Variants in HS3ST6 observed in about 807,000 individuals in gnomAD.
The protein encoded by HS3ST6 is heparan sulfate-glucosamine 3-sulfotransferase 6.
A neutral mutation model predicts 11.0 loss-of-function variants in HS3ST6; 13 were observed. That is an observed-to-expected ratio of 1.18 (90% CI 0.77 to 1.88). The LOEUF (loss-of-function observed/expected upper bound fraction) is 1.88. HS3ST6 is among the 40% of genes most tolerant of loss of function. The pLI is 0.00. For synonymous variants in HS3ST6, 232 were observed against 230.6 expected (o/e 1.01, Z -0.06); for missense variants, 541 against 494.4 (o/e 1.09, Z -0.89).
intron 1 of HS3ST6, among the ~76,000 whole-genome samples, chr16:1,914,850 C>T (rs534486198): frequency 5.8e-4 from 89 of 152,280 alleles, no homozygotes; most frequent in African/African-American, 1.9e-3. Context: ...CGAAGCCTAT[C>T]CTAGCCCAGG....
At chr16:1,915,411 G>A (rs1019723513) in intron 1 of HS3ST6, among the ~76,000 whole-genome samples, 1 of 152,212 alleles carries the variant, frequency 6.6e-6, no homozygotes, top group African/African-American at 2.4e-5. Flanking sequence ...AAGTAGCTGG[G>A]AATACAGGCA....
Position 1,918,266 on chromosome 16 carries a change from C to A in HS3ST6, c.58G>T (p.Gly20Trp). The A allele has an allele frequency of 2.1e-6, 2 of 972,926 alleles. No individual in the cohort carries two copies. The highest frequency in any genetic ancestry group is 6.0e-5 in the Admixed American group (1 of 16,748). 60.3% of individuals were successfully genotyped at this position (972,926 alleles called of 1,614,324 possible). Residue 20 changes from glycine to tryptophan, a missense_variant, in exon 1 of 2, where the codon GGG becomes TGG. Gly to Trp is a radical substitution (Grantham distance 184, BLOSUM62 -2). Transcript: ENST00000454677. The surrounding 1 kb of genome is among the most constrained non-coding windows in gnomAD (Gnocchi z 6.0). ...GAGGGQGAGA[G>W]QGAALRASRA... ...GACGCCCGCAGAGCGGCCCCTTGCC[C>A]GGCCCCTGCGCCCTGGCCGCCCCCG...
At chr16:1,920,293 G>A (rs1300950099), upstream of HS3ST6, among the ~76,000 whole-genome samples, 8 of 142,370 alleles carry the variant, frequency 5.6e-5, no homozygotes, top group Non-Finnish European at 1.1e-4. Flanking sequence ...AGCCCCCACG[G>A]TCTCAGCCAT....
Position 1,911,692 on chromosome 16 carries a change from G to A in HS3ST6, c.927C>T (p.His309=), listed in dbSNP as rs754130268. The A allele has an allele frequency of 1.1e-4, 172 of 1,612,040 alleles. No homozygotes were observed. Among genetic ancestry groups the A allele is most frequent in the Non-Finnish European group, 1.4e-4 (163 of 1,179,106 alleles). The change falls in exon 2 of 2, where the codon CAC becomes CAT. Residue 309 remains histidine (H), a synonymous_variant. Coordinates refer to ENST00000454677, the MANE Select transcript of HS3ST6 (RefSeq NM_001009606.4). ...RCLGKSKGRP[H]PRVPQALVRR... ...GGACCAGGGCCTGGGGCACGCGTGG[G>A]TGTGGCCGGCCCTTGGACTTGCCCA...
Position 1,917,991 on chromosome 16 carries a change from C to T in HS3ST6, c.333G>A (p.Arg111=). The change falls in exon 1 of 2, where the codon CGG becomes CGA. Residue 111 remains arginine, a synonymous_variant. Coordinates refer to ENST00000454677, the MANE Select transcript of HS3ST6 (RefSeq NM_001009606.4). ...GGTRALLEFL[R]LHPDVRALGS... Reference sequence around the variant, plus strand: ...CCAGCGCGCGGACGTCGGGGTGCAGCCGCAGAAACTCCAGCAGGGCGCGCG... The same window carrying T: ...CCAGCGCGCGGACGTCGGGGTGCAGTCGCAGAAACTCCAGCAGGGCGCGCG... 1.9e-6 allele frequency: 3 copies of T among 1,554,024 alleles called. No homozygotes were observed. Among genetic ancestry groups the T allele is most frequent in the African/African-American group, 1.4e-5 (1 of 72,248 alleles).
chr16:1,919,591 C>T (rs1054705420), upstream of HS3ST6, among the ~76,000 whole-genome samples: 4 of 152,360 alleles, frequency 2.6e-5, no homozygotes, highest in East Asian at 3.9e-4. Context: ...CAAGGGCTTG[C>T]GGCCCCTGTC....
At chr16:1,916,307 C>T (rs2082926813) in intron 1 of HS3ST6, among the ~76,000 whole-genome samples, 1 of 152,106 alleles carries the variant, frequency 6.6e-6, no homozygotes. Context: ...GGGACTGACC[C>T]CTTGGAATTC....
rs978737853 is a variant in HS3ST6 at position 1,911,526 on chromosome 16, C to A, written c.*64G>T. On this transcript the variant is annotated 3_prime_UTR_variant, in exon 2 of 2. Transcript: ENST00000454677. The stretch of plus-strand genomic sequence containing the variant: ...TATTCCTCTCTGCCCAGCATGTGCA[C>A]GCAGCCCGCTCTGGCCAGGCGAGCG... 2.7e-6 allele frequency: 4 copies of A among 1,459,620 alleles called. No homozygotes were observed. The African/African-American group carries it at 5.7e-5, about 21-fold the overall frequency. 90.4% of individuals were successfully genotyped at this position (1,459,620 alleles called of 1,614,324 possible).
chr16:1,916,818 C>T (rs1199503827), intron 1 of HS3ST6, among the ~76,000 whole-genome samples: 8 of 150,440 alleles, frequency 5.3e-5, no homozygotes, highest in Admixed American at 1.3e-4. Flanking sequence ...CTACCCTCCT[C>T]CCTGCAGCAG....
Position 1,912,187 on chromosome 16 carries a change from G to C in HS3ST6, c.432C>G (p.Thr144=). ...LAWYRSLMPR[T]LDGQITMEKT... Reference sequence around the variant, plus strand: ...TCTCCATGGTGATCTGCCCATCCAGGGTTCGGGGCATCAGACTCCTGCGGG... The same window carrying C: ...TCTCCATGGTGATCTGCCCATCCAGCGTTCGGGGCATCAGACTCCTGCGGG... Residue 144 remains threonine, a synonymous_variant, in exon 2 of 2, where the codon ACC becomes ACG. Transcript: ENST00000454677. The surrounding 1 kb of genome is among the most constrained non-coding windows in gnomAD (Gnocchi z 5.6). 2 of 1,443,004 alleles carry C rather than the reference G, an allele frequency of 1.4e-6. No individual in the cohort carries two copies. Among genetic ancestry groups the C allele is most frequent in the Non-Finnish European group, 1.8e-6 (2 of 1,098,360 alleles). The allele number at this position is 1,443,004 out of a possible 1,614,324, so 89.4% of individuals were successfully genotyped here.
chr16:1,912,074 T>C lies in HS3ST6; in HGVS notation c.545A>G (p.Asn182Ser). 1 of 1,513,296 alleles carries C rather than the reference T, an allele frequency of 6.6e-7. No individual in the cohort carries two copies. The highest frequency in any genetic ancestry group is 8.8e-7 in the Non-Finnish European group (1 of 1,132,958). 93.7% of individuals were successfully genotyped at this position (1,513,296 alleles called of 1,614,324 possible). The change falls in exon 2 of 2, where the codon AAC (asparagine) becomes AGC (serine). Residue 182 changes from asparagine to serine, a missense_variant. Physicochemically the swap from Asn to Ser is conservative, Grantham distance 46. Transcript: ENST00000454677. The surrounding 1 kb of genome is among the most constrained non-coding windows in gnomAD (Gnocchi z 5.6). ...GTCGGAGATGGCCCGGGTCACGGGG[T>C]TCCGCACCACCACGATCAGCTTCGT... is the stretch of plus-strand genomic sequence containing the variant. Reference protein sequence around the residue: ...PDTKLIVVVRNPVTRAISDYA... With the variant: ...PDTKLIVVVRSPVTRAISDYA...
intron 1 of HS3ST6, among the ~76,000 whole-genome samples, chr16:1,913,411 C>G (rs2082905095): frequency 6.6e-6 from 1 of 152,156 alleles, no homozygotes; most frequent in African/African-American, 2.4e-5. Context: ...GGGCAGAGAG[C>G]CCATTCTGGG....
rs77148094 is a variant in HS3ST6 at position 1,911,862 on chromosome 16, C to T, written c.757G>A (p.Val253Ile). The part of the protein sequence containing the change: ...HFLFVSGERL[V>I]SDPAGEVGRV... ...CCGACCTCTCCGGCCGGGTCGCTGA[C>T]CAGACGCTCCCCGCTGACGAACAGG... is the stretch of plus-strand genomic sequence containing the variant. The change falls in exon 2 of 2, where the codon GTC becomes ATC. Residue 253 changes from valine (V) to isoleucine (I), a missense_variant. Coordinates refer to ENST00000454677, the MANE Select transcript of HS3ST6 (RefSeq NM_001009606.4). 6.3e-5 allele frequency: 102 copies of T among 1,608,772 alleles called. No individual in the cohort carries two copies. In the East Asian group the frequency reaches 2.3e-3, roughly 36 times the overall value.
In HS3ST6 at chr16:1,911,724, G is replaced by A. The variant is rs79686696; in HGVS notation, c.895C>T (p.Arg299Cys). The A allele has an allele frequency of 1.9e-4, 310 of 1,612,838 alleles. 5 individuals carry two copies. In the East Asian group the frequency reaches 6.0e-3, roughly 31 times the overall value. ...CGGCCCTTGGACTTGCCCAGGCAGC[G>A]GGGACGGCTGCCGCCCTGGGCCTTC... Reference protein sequence around the residue: ...LKKAQGGSRPRCLGKSKGRPH... With the variant: ...LKKAQGGSRPCCLGKSKGRPH... The change falls in exon 2 of 2, where the codon CGC (arginine) becomes TGC (cysteine). Residue 299 changes from arginine (R) to cysteine (C), a missense_variant. Transcript: ENST00000454677.
intron 1 of HS3ST6, among the ~76,000 whole-genome samples, chr16:1,913,653 G>C (rs1474968750): frequency 1.3e-5 from 2 of 152,216 alleles, no homozygotes; most frequent in African/African-American, 4.8e-5. Context: ...CCTCTGAGGG[G>C]GCTTCCCCCA....
At position 1,917,930 on chromosome 16, in the gene HS3ST6, G is replaced by C; in HGVS notation, c.394C>G (p.Arg132Gly). 2 of 1,488,398 alleles carry C rather than the reference G, an allele frequency of 1.3e-6. No individual in the cohort carries two copies. Among genetic ancestry groups the C allele is most frequent in the Non-Finnish European group, 1.8e-6 (2 of 1,121,566 alleles). 92.2% of individuals were successfully genotyped at this position (1,488,398 alleles called of 1,614,324 possible). ...GCTCACCGGTACCAGGCGAGGCCGC[G>C]CTCGTAGCACCTGTCGAAGAAGTGG... is the stretch of plus-strand genomic sequence containing the variant. ...EPHFFDRCYE[R>G]GLAWYRSLMP... The change falls in exon 1 of 2, where the codon CGC becomes GGC. Residue 132 changes from arginine to glycine, a missense_variant. Coordinates refer to ENST00000454677, the MANE Select transcript of HS3ST6 (RefSeq NM_001009606.4).
At position 1,912,027 on chromosome 16, in the gene HS3ST6, T is replaced by A; in HGVS notation, c.592A>T (p.Thr198Ser). Residue 198 changes from threonine (T) to serine (S), a missense_variant, in exon 2 of 2, where the codon ACC becomes TCC. Coordinates refer to ENST00000454677, the MANE Select transcript of HS3ST6 (RefSeq NM_001009606.4). The surrounding 1 kb of genome is among the most constrained non-coding windows in gnomAD (Gnocchi z 5.6). Reference sequence around the variant, plus strand: ...GCGCGGAAGCTGGGCAGGCCCGGGGTCTTGGAGAGCGTCTGGGCGTAGTCG... The same window carrying A: ...GCGCGGAAGCTGGGCAGGCCCGGGGACTTGGAGAGCGTCTGGGCGTAGTCG... ...ISDYAQTLSK[T>S]PGLPSFRALA... The A allele has an allele frequency of 1.3e-6, 2 of 1,523,312 alleles. No individual in the cohort carries two copies. Among genetic ancestry groups the A allele is most frequent in the Non-Finnish European group, 1.8e-6 (2 of 1,137,302 alleles). The allele number at this position is 1,523,312 out of a possible 1,614,324, so 94.4% of individuals were successfully genotyped here.
At chr16:1,913,211 G>A (rs925932338) in intron 1 of HS3ST6, among the ~76,000 whole-genome samples, 13 of 152,224 alleles carry the variant, frequency 8.5e-5, no homozygotes, top group African/African-American at 3.1e-4. Flanking sequence ...ACGTGGCGGC[G>A]CCGGCCGGAG....
chr16:1,920,031 G>A (rs976733918), upstream of HS3ST6, among the ~76,000 whole-genome samples: 1 of 144,986 alleles, frequency 6.9e-6, no homozygotes, highest in Non-Finnish European at 1.5e-5. Flanking sequence ...ACGGTCTCAG[G>A]AGTCCTCACG....
Sources: allele counts gnomAD v4.1 joint callset (sites outside exome capture counted in the v4.1 genomes callset), GRCh38; gene constraint gnomAD v4.1.1; non-coding constraint Gnocchi (gnomAD v3.1); transcripts MANE v1.5; gene names NCBI Gene and HGNC (gene_info 2026-07-23, HGNC 2026-07-21).